UPRT: variants seen among roughly 807,000 people sequenced by gnomAD.
The protein encoded by UPRT is uracil phosphoribosyltransferase homolog.
UPRT carries 5 observed loss-of-function variants against 22.6 expected under a neutral mutation model. The observed-to-expected ratio is 0.22, with a 90% CI of 0.12 to 0.47. The LOEUF (loss-of-function observed/expected upper bound fraction) is 0.47. Among genes scored for constraint, UPRT ranks in the 20% least tolerant of loss-of-function variants. UPRT has a pLI of 0.99. For missense variants in UPRT, 181 were observed against 239.9 expected (o/e 0.75, Z 1.62); for synonymous variants, 77 against 87.7 (o/e 0.88, Z 0.68).
intron 4 of UPRT, among the ~76,000 whole-genome samples, chrX:75,244,348 A>G (rs1254028789): frequency 2.7e-5 from 3 of 112,368 alleles, no homozygotes; most frequent in African/African-American, 9.7e-5. Flanking sequence ...TGCCCAAAGC[A>G]ATGTACAGAT....
chrX:75,293,610 T>A, intron 2 of UPRT, 96 bp downstream of exon 2: 1 of 890,626 alleles, frequency 1.1e-6, no homozygotes, highest in Non-Finnish European at 1.5e-6. Context: ...ATTCTGGGGC[T>A]GAAAGAGATT....
chrX:75,271,358 G>T (rs2082607502), upstream of UPRT, among the ~76,000 whole-genome samples: 1 of 111,458 alleles, frequency 9.0e-6, no homozygotes, highest in South Asian at 3.8e-4. Context: ...ACAGCCAACT[G>T]ATCTTCGACA....
chrX:75,209,562 G>A (rs370615852), intron 4 of UPRT, among the ~76,000 whole-genome samples: 1 of 111,574 alleles, frequency 9.0e-6, no homozygotes, highest in Non-Finnish European at 1.9e-5. Context: ...TATTAGAGAC[G>A]GGGTTTCACC....
intron 4 of UPRT, among the ~76,000 whole-genome samples, chrX:75,233,354 A>G (rs2082446658): frequency 9.0e-6 from 1 of 111,710 alleles, no homozygotes; most frequent in Admixed American, 9.5e-5. Flanking sequence ...CAAGTTGGAA[A>G]ACACTCTGCA....
chrX:75,285,852 TA>T (rs761050148), intron 1 of UPRT, among the ~76,000 whole-genome samples: 15 of 111,367 alleles, frequency 1.3e-4, no homozygotes, highest in Non-Finnish European at 2.6e-4. Flanking sequence ...AACATAATAT[TA>T]TTTTTTTTAA....
chrX:75,256,647 G>C (rs1004990236), intron 4 of UPRT, among the ~76,000 whole-genome samples: 3 of 111,695 alleles, frequency 2.7e-5, no homozygotes, highest in Non-Finnish European at 5.6e-5. Flanking sequence ...AAAAAAAAGA[G>C]AAAATCCAAA....
intron 4 of UPRT, among the ~76,000 whole-genome samples, chrX:75,173,653 T>A (rs2082237235): frequency 8.9e-6 from 1 of 112,351 alleles, no homozygotes; most frequent in South Asian, 3.7e-4. Flanking sequence ...CAGGGGGAAG[T>A]GCTCGTCGGG....
At chrX:75,264,878 G>C (rs2082582199) in intron 4 of UPRT, among the ~76,000 whole-genome samples, 1 of 111,818 alleles carries the variant, frequency 8.9e-6, no homozygotes, top group Non-Finnish European at 1.9e-5. Context: ...CAGGCCTGGT[G>C]GTGACAAAAT....
At chrX:75,250,807 C>G (rs1471189583) in intron 4 of UPRT, among the ~76,000 whole-genome samples, 8 of 111,739 alleles carry the variant, frequency 7.2e-5, no homozygotes, top group African/African-American at 2.6e-4. Flanking sequence ...ATGCAAAAAT[C>G]CTCAATAAAA....
intron 4 of UPRT, among the ~76,000 whole-genome samples, chrX:75,241,699 T>A (rs748066679): frequency 6.3e-5 from 7 of 111,827 alleles, no homozygotes; most frequent in African/African-American, 2.3e-4. Flanking sequence ...AACGAGTGGA[T>A]AAAGAAAACG....
intron 1 of UPRT, among the ~76,000 whole-genome samples, chrX:75,281,688 G>A (rs755347271): frequency 2.4e-4 from 27 of 111,449 alleles, no homozygotes; most frequent in Non-Finnish European, 4.9e-4. Context: ...AAGGATTTTA[G>A]CATCTATGTT....
chrX:75,284,768 T>G (rs969844125), intron 1 of UPRT, among the ~76,000 whole-genome samples: 4 of 111,985 alleles, frequency 3.6e-5, no homozygotes, highest in African/African-American at 1.3e-4. Flanking sequence ...ATTTTTTTGC[T>G]GGTTGGCCTC....
At chrX:75,270,135 C>T (rs1199101659), upstream of UPRT, among the ~76,000 whole-genome samples, 2 of 111,938 alleles carry the variant, frequency 1.8e-5, no homozygotes, top group African/African-American at 6.5e-5. Context: ...ATTTATGCAG[C>T]CAACGAACAT....
At chrX:75,259,869 C>T (rs1219568930) in intron 4 of UPRT, among the ~76,000 whole-genome samples, 2 of 111,707 alleles carry the variant, frequency 1.8e-5, no homozygotes, top group African/African-American at 6.5e-5. Flanking sequence ...GGTCGAGTTA[C>T]CCACAAAGGG....
intron 4 of UPRT, among the ~76,000 whole-genome samples, chrX:75,254,361 A>G (rs1445444160): frequency 3.6e-5 from 4 of 112,410 alleles, no homozygotes; most frequent in Non-Finnish European, 5.6e-5. Flanking sequence ...GAAACAATGA[A>G]CACACTTATA....
intron 4 of UPRT, among the ~76,000 whole-genome samples, chrX:75,230,311 A>G (rs1225468440): frequency 9.0e-6 from 1 of 111,543 alleles, no homozygotes; most frequent in Non-Finnish European, 1.9e-5. Flanking sequence ...CAGCCACCTG[A>G]TGATTTTTCT....
At chrX:75,231,394 A>C (rs2082438000) in intron 4 of UPRT, among the ~76,000 whole-genome samples, 1 of 112,448 alleles carries the variant, frequency 8.9e-6, no homozygotes, top group Non-Finnish European at 1.9e-5. Flanking sequence ...CCAATCCAAC[A>C]AAAGCAAAGG....
chrX:75,285,115 A>G (rs1298387017), intron 1 of UPRT, among the ~76,000 whole-genome samples: 1 of 111,197 alleles, frequency 9.0e-6, no homozygotes, highest in African/African-American at 3.3e-5. Flanking sequence ...CCCAGCTCCC[A>G]TGTAAACCGA....
intron 1 of UPRT, among the ~76,000 whole-genome samples, chrX:75,159,665 T>C (rs377398814): frequency 3.6e-5 from 4 of 111,794 alleles, no homozygotes; most frequent in African/African-American, 1.3e-4. Context: ...CTTTTAACAT[T>C]TGGAAATATT....
Sources: gnomAD v4.1 joint callset for allele counts (sites outside exome capture counted in the v4.1 genomes callset) on GRCh38, gnomAD v4.1.1 for gene constraint, MANE v1.5 for transcripts, NCBI Gene and HGNC (gene_info 2026-07-23, HGNC 2026-07-21) for gene names.